NPIPB8: variants seen among roughly 807,000 people sequenced by gnomAD.
NPIPB8 encodes nuclear pore complex interacting protein family member B8.
A neutral mutation model predicts 5.3 loss-of-function variants in NPIPB8; 3 were observed. That is an observed-to-expected ratio of 0.57 (90% confidence interval 0.26 to 1.47). The LOEUF is 1.47. Among genes scored for constraint, NPIPB8 ranks in the 40% most tolerant of loss-of-function variants. The probability of loss-of-function intolerance (pLI) is 0.13; values close to 1 mark genes in which losing one functional copy is unlikely to be tolerated. For synonymous variants in NPIPB8, 18 were observed against 23.0 expected (o/e 0.78, Z 0.62); for missense variants, 50 against 50.2 (o/e 1.00, Z 0.01).
At position 28,652,684 on chromosome 16, in the gene NPIPB8, C is replaced by T. The variant is rs1298460297; in HGVS notation, c.599+320C>T. ...GTAGTGCAATGGCACAATCTCAGCTCACTGCCTTTTGGCTTCAAGCAATTC... is the reference window on the plus strand; with the variant it reads ...GTAGTGCAATGGCACAATCTCAGCTTACTGCCTTTTGGCTTCAAGCAATTC... On this transcript the variant is annotated intron_variant, in intron 5 of 7. Transcript: ENST00000683297. Among the ~76,000 whole-genome samples, 4 of 125,250 alleles carry T rather than the reference C, an allele frequency of 3.2e-5. 1 individual carries two copies. The highest frequency in any genetic ancestry group is 6.8e-5 in the Non-Finnish European group (4 of 58,656). The allele number at this position is 125,250 out of a possible 152,430, so 82.2% of individuals were successfully genotyped here. A position where few individuals can be genotyped will look rare whatever the true frequency, so the allele number is the denominator to read the frequency against.
chr16:28,642,056 CACTT>C (rs1252861541), intron 2 of NPIPB8, among the ~76,000 whole-genome samples: 13 of 151,754 alleles, frequency 8.6e-5, no homozygotes, highest in African/African-American at 2.9e-4. Flanking sequence ...CTTCAACCCC[CACTT>C]ACTTGGTCTC....
rs35626515 is a variant in NPIPB8, at chr16:28,638,330, C to G, written c.-31C>G. The G allele has an allele frequency of 2.6e-6, 4 of 1,559,300 alleles. No individual in the cohort carries two copies. The highest frequency in any genetic ancestry group is 1.9e-5 in the Admixed American group (1 of 53,406). On this transcript the variant is annotated 5_prime_UTR_variant, in exon 2 of 8. Coordinates refer to ENST00000683297, the MANE Select transcript of NPIPB8 (RefSeq NM_001310136.2). Reference sequence around the variant, plus strand: ...TTCTTAATTGTCTAATAGGTTGGCACTCATCATGAGCCCCTGTTCTCATTC... The same window carrying G: ...TTCTTAATTGTCTAATAGGTTGGCAGTCATCATGAGCCCCTGTTCTCATTC...
chr16:28,639,917 A>G (rs1169964112), intron 2 of NPIPB8, among the ~76,000 whole-genome samples: 1 of 150,402 alleles, frequency 6.6e-6, no homozygotes, highest in Non-Finnish European at 1.5e-5. Context: ...GAATATTGAC[A>G]ATCAGTATGC....
At chr16:28,638,048 T>A, upstream of NPIPB8, 1 of 690,424 alleles carries the variant, frequency 1.4e-6, no homozygotes, top group Non-Finnish European at 2.1e-6. Context: ...GATGATACAT[T>A]TAAATGACTT....
chr16:28,644,720 T>G, intron 2 of NPIPB8: 1 of 980,030 alleles, frequency 1.0e-6, no homozygotes, highest in Non-Finnish European at 1.4e-6. Context: ...CGGCATGAAA[T>G]TACACAGCTC....
At chr16:28,642,643 C>A (rs1273280448) in intron 2 of NPIPB8, among the ~76,000 whole-genome samples, 1 of 151,148 alleles carries the variant, frequency 6.6e-6, no homozygotes, top group East Asian at 2.0e-4. Context: ...CACCACCACA[C>A]CCGGCTAATT....
chr16:28,640,936 T>C (rs2047885265), intron 2 of NPIPB8, among the ~76,000 whole-genome samples: 1 of 152,062 alleles, frequency 6.6e-6, no homozygotes, highest in African/African-American at 2.4e-5. Context: ...ACATTTTAGT[T>C]CCTTTAAGTT....
chr16:28,639,384 G>C (rs1431778786), intron 2 of NPIPB8, among the ~76,000 whole-genome samples: 4 of 147,040 alleles, frequency 2.7e-5, no homozygotes, highest in Non-Finnish European at 4.5e-5. Context: ...TTTTATTTTT[G>C]AGATTTATAT....
In NPIPB8 at chr16:28,638,374, C is replaced by T. The variant is rs2047828852; in HGVS notation, c.14C>T (p.Ser5Phe). 6.4e-7 allele frequency: 1 copy of T among 1,567,898 alleles called. No individual in the cohort carries two copies. Among genetic ancestry groups the T allele is most frequent in the Admixed American group, 1.8e-5 (1 of 54,874 alleles). MVKL[S>F]IVLTPQFLSH... ...CTCATTCTGCAAATGGTGAAGCTCT[C>T]TATTGTCCTGACCCCACAGTTCCTG... Residue 5 changes from serine (S) to phenylalanine (F), a missense_variant, in exon 2 of 8, where the codon TCT (serine) becomes TTT (phenylalanine). Ser to Phe is a radical substitution (Grantham distance 155, BLOSUM62 -2). Transcript: ENST00000683297.
chr16:28,649,524 GC>G (rs1179488193), intron 3 of NPIPB8, among the ~76,000 whole-genome samples: 1 of 74,716 alleles, frequency 1.3e-5, no homozygotes, highest in Non-Finnish European at 2.4e-5. Flanking sequence ...ATTGGAGGAA[GC>G]TTTTTTTTTT....
At chr16:28,651,158 T>A (rs2048035409) in intron 3 of NPIPB8, among the ~76,000 whole-genome samples, 1 of 19,514 alleles carries the variant, frequency 5.1e-5, no homozygotes, top group Non-Finnish European at 7.5e-5. Flanking sequence ...CTAATTTTTG[T>A]ATTTTTAGTA....
At chr16:28,639,467 T>C (rs1197747805) in intron 2 of NPIPB8, among the ~76,000 whole-genome samples, 1 of 142,806 alleles carries the variant, frequency 7.0e-6, no homozygotes, top group Non-Finnish European at 1.5e-5. Flanking sequence ...TTTTTTTTTT[T>C]TTTTTTTGAG....
chr16:28,644,511 G>A (rs576444952), intron 2 of NPIPB8: 29 of 678,902 alleles, frequency 4.3e-5, no homozygotes, highest in South Asian at 1.4e-4. Flanking sequence ...CCCATTCCCC[G>A]TCCCCTTCCC....
chr16:28,650,971 A>C (rs1219816457), intron 3 of NPIPB8, among the ~76,000 whole-genome samples: 37 of 110,374 alleles, frequency 3.4e-4, no homozygotes, highest in Non-Finnish European at 6.7e-5. Flanking sequence ...AGTTGTGTGA[A>C]GTATATTCAT....
intron 2 of NPIPB8, among the ~76,000 whole-genome samples, chr16:28,642,416 G>T (rs529631425): frequency 6.6e-6 from 1 of 150,614 alleles, no homozygotes; most frequent in Non-Finnish European, 1.5e-5. Context: ...ATCTAGGGCC[G>T]GAACATGGCT....
At chr16:28,640,632 A>G (rs3987662) in intron 2 of NPIPB8, among the ~76,000 whole-genome samples, 3,335 of 152,190 alleles carry the variant, frequency 0.022, 102 homozygotes, top group African/African-American at 0.065. Context: ...GGGCAGAGGA[A>G]GAGAGTGGGG....
chr16:28,643,010 G>C (rs2047932954), intron 2 of NPIPB8, among the ~76,000 whole-genome samples: 1 of 152,182 alleles, frequency 6.6e-6, no homozygotes, highest in Non-Finnish European at 1.5e-5. Flanking sequence ...GTTTAGCTGA[G>C]GACAGGGCCA....
intron 2 of NPIPB8, among the ~76,000 whole-genome samples, chr16:28,639,493 G>C (rs1596672124): frequency 9.7e-6 from 1 of 102,990 alleles, no homozygotes; most frequent in Admixed American, 1.2e-4. Flanking sequence ...GTTTCACTCT[G>C]TCCCCCAGGC....
Position 28,638,414 on chromosome 16 carries a change from C to T in NPIPB8, c.54C>T (p.Gly18=). The change falls in exon 2 of 8, where the codon GGC becomes GGT. Residue 18 remains glycine, a synonymous_variant. Transcript: ENST00000683297. ...LTPQFLSHDQ[G]QLTKELQQHV... ...CACAGTTCCTGTCCCATGACCAGGG[C>T]CAGCTCACCAAGGAGCTGCAGCAGC... 8.9e-6 allele frequency: 14 copies of T among 1,572,574 alleles called. No homozygotes were observed. The highest frequency in any genetic ancestry group is 1.2e-5 in the Non-Finnish European group (14 of 1,166,864).
Sources: gnomAD v4.1 joint callset for allele counts (sites outside exome capture counted in the v4.1 genomes callset) on GRCh38, gnomAD v4.1.1 for gene constraint, MANE v1.5 for transcripts, NCBI Gene and HGNC (gene_info 2026-07-23, HGNC 2026-07-21) for gene names.